Variants in ZBTB7C observed in about 807,000 individuals in gnomAD.
ZBTB7C encodes the protein zinc finger and BTB domain-containing protein 7C.
In ZBTB7C, 8 loss-of-function variants were observed where a neutral mutation model predicts 25.7. The ratio of observed to expected loss-of-function variants is 0.31; its 90% CI spans 0.18 to 0.56. The LOEUF is 0.56. ZBTB7C is among the 20% of genes least tolerant of loss of function. ZBTB7C has a pLI of 0.91. For synonymous variants in ZBTB7C, 394 were observed against 369.0 expected (o/e 1.07, Z -0.78); for missense variants, 824 against 855.2 (o/e 0.96, Z 0.46).
chr18:48,208,116 G>C (rs766069459), intron 2 of ZBTB7C, among the ~76,000 whole-genome samples: 1 of 152,184 alleles, frequency 6.6e-6, no homozygotes, highest in Non-Finnish European at 1.5e-5. Flanking sequence ...GGTATAATGA[G>C]GGTTGAGAGC....
At chr18:48,311,998 C>T (rs1214741590) in intron 2 of ZBTB7C, among the ~76,000 whole-genome samples, 4 of 152,216 alleles carry the variant, frequency 2.6e-5, no homozygotes, top group African/African-American at 9.6e-5. Flanking sequence ...CAGTTTCTGT[C>T]CATCTCTCAG....
At position 48,187,629 on chromosome 18, in the gene ZBTB7C, C is replaced by T. The variant is rs141394819; in HGVS notation, c.-78-1634G>A. 6.6e-3 allele frequency among the ~76,000 whole-genome samples: 1,004 copies of T among 152,036 alleles called. 8 individuals are homozygous for T. The highest frequency in any genetic ancestry group is 0.023 in the African/African-American group (972 of 41,452). ...GAGATCGAGACCATCCTGGCTAACA[C>T]GGTGAAACCCCGTCTCTACTAAAAA... On this transcript the variant is annotated intron_variant, in intron 2 of 4. Transcript: ENST00000590800.
chr18:48,244,177 A>AG (rs2043611621), intron 2 of ZBTB7C, among the ~76,000 whole-genome samples: 1 of 152,180 alleles, frequency 6.6e-6, no homozygotes, highest in African/African-American at 2.4e-5. Context: ...AAATAGAAGG[A>AG]GGCCAAGGTG....
chr18:48,290,336 C>T (rs7359814), intron 2 of ZBTB7C, among the ~76,000 whole-genome samples: 3,854 of 152,318 alleles, frequency 0.025, 182 homozygotes, highest in African/African-American at 0.088. Context: ...CAGTCCCAGC[C>T]GTACTAGAAG....
intron 2 of ZBTB7C, among the ~76,000 whole-genome samples, chr18:48,219,423 A>G (rs1160507010): frequency 1.3e-5 from 2 of 152,158 alleles, no homozygotes; most frequent in African/African-American, 2.4e-5. Context: ...ACATTAATTC[A>G]TTTACTCCCT....
intron 1 of ZBTB7C, among the ~76,000 whole-genome samples, chr18:48,387,922 G>T (rs36116220): frequency 1.3e-5 from 2 of 152,248 alleles, no homozygotes; most frequent in East Asian, 3.9e-4. Context: ...CGCTTCCTGG[G>T]TTCAAGCGAT....
At chr18:48,117,998 CTTCT>C (rs1314455354) in intron 3 of ZBTB7C, among the ~76,000 whole-genome samples, 74 of 143,712 alleles carry the variant, frequency 5.1e-4, no homozygotes, top group African/African-American at 1.9e-3. Context: ...TCTTCTTCTT[CTTCT>C]TTTTTTTTTT....
At position 48,290,882 on chromosome 18, in the gene ZBTB7C, G is replaced by A. The variant is rs575704865; in HGVS notation, c.-79+47292C>T. On this transcript the variant is annotated intron_variant, in intron 2 of 4. Transcript: ENST00000590800. ...GTTATGTGCTGCGGAGACAGTGAAC[G>A]AAAGTCAAAATTCCTGGCCCCAAGC... Among the ~76,000 whole-genome samples, 5 of 152,352 alleles carry A rather than the reference G, an allele frequency of 3.3e-5. No homozygotes were observed. In the South Asian group the frequency reaches 6.2e-4, roughly 19 times the overall value.
intron 3 of ZBTB7C, among the ~76,000 whole-genome samples, chr18:48,085,005 C>T (rs903351029): frequency 5.3e-5 from 8 of 152,128 alleles, no homozygotes; most frequent in Non-Finnish European, 1.5e-5. Context: ...GTACTTTAGC[C>T]CACATTAAAA....
At chr18:48,368,242 C>CA (rs780636646) in intron 1 of ZBTB7C, among the ~76,000 whole-genome samples, 41,514 of 95,140 alleles carry the variant, frequency 0.44, 6,712 homozygotes, top group Middle Eastern at 0.49. Flanking sequence ...GAAAGCCTAG[C>CA]AAAAAAAAAA....
chr18:48,302,843 T>C (rs2045578019), intron 2 of ZBTB7C, among the ~76,000 whole-genome samples: 1 of 152,234 alleles, frequency 6.6e-6, no homozygotes, highest in Non-Finnish European at 1.5e-5. Flanking sequence ...TCTGTGCTGC[T>C]GCATCCTCTG....
At chr18:48,123,639 C>A (rs1344954246) in intron 3 of ZBTB7C, among the ~76,000 whole-genome samples, 1 of 150,858 alleles carries the variant, frequency 6.6e-6, no homozygotes, top group Non-Finnish European at 1.5e-5. Flanking sequence ...TAAACTGCTT[C>A]CTGGTCGGCT....
rs35051690 is a variant in ZBTB7C, at chr18:48,091,238, A to ATTTTTTT, written c.-16-50122_-16-50116dup. Among the ~76,000 whole-genome samples the ATTTTTTT allele has an allele frequency of 3.6e-4, 23 of 64,668 alleles. 1 individual carries two copies. The highest frequency in any genetic ancestry group is 7.0e-4 in the South Asian group (1 of 1,432). The allele number at this position is 64,668 out of a possible 152,430, so 42.4% of individuals were successfully genotyped here. A position where few individuals can be genotyped will look rare whatever the true frequency, so the allele number is the denominator to read the frequency against. On this transcript the variant is annotated intron_variant, in intron 3 of 4. Coordinates refer to ENST00000590800, the MANE Select transcript of ZBTB7C (RefSeq NM_001318841.2). ...AGGCATGTGCCACTATGCCCGGATA[A>ATTTTTTT]TTTTTTTTTTTTTTTTTTTTTTTTT... is the stretch of plus-strand genomic sequence containing the variant.
intron 2 of ZBTB7C, among the ~76,000 whole-genome samples, chr18:48,186,478 C>G (rs1193187019): frequency 6.6e-6 from 1 of 152,196 alleles, no homozygotes; most frequent in Admixed American, 6.5e-5. Context: ...CCCCAAACTA[C>G]ATTTAAATAA....
At chr18:48,305,174 A>G (rs2045642548) in intron 2 of ZBTB7C, among the ~76,000 whole-genome samples, 1 of 152,198 alleles carries the variant, frequency 6.6e-6, no homozygotes, top group Non-Finnish European at 1.5e-5. Flanking sequence ...TCAAACCTCA[A>G]ATTGATTCTG....
intron 2 of ZBTB7C, among the ~76,000 whole-genome samples, chr18:48,281,546 T>A (rs1437923586): frequency 6.6e-6 from 1 of 152,094 alleles, no homozygotes; most frequent in African/African-American, 2.4e-5. Flanking sequence ...GGAGAAAATT[T>A]TTGCAACCTA....
At chr18:48,233,438 T>A (rs2043304387) in intron 2 of ZBTB7C, among the ~76,000 whole-genome samples, 1 of 152,344 alleles carries the variant, frequency 6.6e-6, no homozygotes, top group East Asian at 1.9e-4. Flanking sequence ...TGTAAAAGGC[T>A]TTGAATGTCA....
intron 2 of ZBTB7C, among the ~76,000 whole-genome samples, chr18:48,221,243 TCTC>T (rs1277119984): frequency 6.7e-6 from 1 of 149,502 alleles, no homozygotes; most frequent in Non-Finnish European, 1.5e-5. Flanking sequence ...CTGTCCCTAG[TCTC>T]CTCTATAATG....
intron 3 of ZBTB7C, chr18:48,162,375 T>C (rs1182101460): frequency 2.2e-6 from 1 of 456,618 alleles, no homozygotes. Flanking sequence ...GCAAGTGACT[T>C]CTCTATGCCT....
Sources: allele counts gnomAD v4.1 joint callset (sites outside exome capture counted in the v4.1 genomes callset), GRCh38; gene constraint gnomAD v4.1.1; transcripts MANE v1.5; gene names NCBI Gene and HGNC (gene_info 2026-07-23, HGNC 2026-07-21).